USH2A: variants seen among roughly 807,000 people sequenced by gnomAD.
USH2A encodes Usher syndrome 2A (autosomal recessive, mild).
Under a neutral mutation model 538.9 loss-of-function variants are expected in USH2A, and 443 were observed. That is an observed-to-expected ratio of 0.82 (90% confidence interval 0.76 to 0.89). The LOEUF (loss-of-function observed/expected upper bound fraction) is 0.89, where lower values mean the gene tolerates loss of function less well. Ranked by LOEUF, USH2A falls within the 40% of genes least tolerant of loss-of-function variation. The pLI, the probability that USH2A is intolerant of heterozygous loss-of-function variation, is 0.00. For synonymous variants in USH2A, 2,413 were observed against 2,273.5 expected (o/e 1.06, Z -1.75); for missense variants, 6,633 against 6,324.8 (o/e 1.05, Z -1.65).
intron 64 of USH2A, among the ~76,000 whole-genome samples, chr1:215,668,580 G>A (rs1657704267): frequency 6.6e-6 from 1 of 152,180 alleles, no homozygotes; most frequent in Non-Finnish European, 1.5e-5. Flanking sequence ...GTAACACAGA[G>A]CCGATAGTAA....
At chr1:215,669,820 C>A (rs1657755684) in intron 64 of USH2A, among the ~76,000 whole-genome samples, 4 of 152,268 alleles carry the variant, frequency 2.6e-5, no homozygotes, top group South Asian at 4.1e-4. Context: ...CTAAAATATT[C>A]TTTTCATGCT....
intron 58 of USH2A, among the ~76,000 whole-genome samples, chr1:215,754,259 C>T (rs547148966): frequency 3.3e-5 from 5 of 152,090 alleles, no homozygotes; most frequent in Admixed American, 6.6e-5. Context: ...CGTATGTACA[C>T]GACATTTGTT....
At position 215,655,725 on chromosome 1, in the gene USH2A, CTTTTTTTT is replaced by C. The variant is rs766225635; in HGVS notation, c.14134-4932_14134-4925del. 6.1e-3 allele frequency among the ~76,000 whole-genome samples: 590 copies of C among 96,190 alleles called. 4 individuals carry two copies. Among genetic ancestry groups the C allele is most frequent in the African/African-American group, 0.022 (559 of 25,936 alleles). 63.1% of individuals were successfully genotyped at this position (96,190 alleles called of 152,430 possible). ...TGCTTCTGTTACTGTGCTAGTTATT[CTTTTTTTT>C]TTTTTTTTTTTTTTTTCTTTGAGAC... On this transcript the variant is annotated intron_variant, in intron 64 of 71. Coordinates refer to ENST00000307340, the MANE Select transcript of USH2A (RefSeq NM_206933.4).
intron 32 of USH2A, among the ~76,000 whole-genome samples, chr1:216,023,686 C>T (rs1668898418): frequency 6.6e-6 from 1 of 151,658 alleles, no homozygotes; most frequent in Non-Finnish European, 1.5e-5. Context: ...TTATGCACAT[C>T]GAAAGTATGC....
At chr1:216,073,491 T>C (rs147900780) in intron 27 of USH2A, among the ~76,000 whole-genome samples, 191 bp from the exon 28 acceptor site, 104 of 152,338 alleles carry the variant, frequency 6.8e-4, no homozygotes, top group African/African-American at 2.5e-3. Flanking sequence ...CAAAGAAATA[T>C]AGTTCTGTTA....
intron 38 of USH2A, among the ~76,000 whole-genome samples, chr1:215,902,131 G>A (rs776703461): frequency 6.6e-6 from 1 of 152,086 alleles, no homozygotes; most frequent in African/African-American, 2.4e-5. Flanking sequence ...TGTAATATAG[G>A]TTCCTAATGA....
intron 30 of USH2A, among the ~76,000 whole-genome samples, chr1:216,057,506 A>G (rs2031017658): frequency 6.6e-6 from 1 of 150,602 alleles, no homozygotes; most frequent in African/African-American, 2.5e-5. Flanking sequence ...AAATACCAAC[A>G]ACAAAAACAA....
intron 21 of USH2A, among the ~76,000 whole-genome samples, chr1:216,113,137 T>TAAAAAAAA (rs71159901): frequency 1.6e-5 from 2 of 127,576 alleles, no homozygotes; most frequent in Non-Finnish European, 3.3e-5. Context: ...CTCCAAATGA[T>TAAAAAAAA]AAAAAAAAAA....
At chr1:215,953,318 C>G (rs1571842375) in intron 37 of USH2A, among the ~76,000 whole-genome samples, 1 of 152,176 alleles carries the variant, frequency 6.6e-6, no homozygotes, top group Admixed American at 6.5e-5. Flanking sequence ...TCAAACTAGA[C>G]TACAAGGCTA....
At chr1:215,670,240 A>C (rs924756745) in intron 64 of USH2A, among the ~76,000 whole-genome samples, 1 of 152,188 alleles carries the variant, frequency 6.6e-6, no homozygotes, top group Non-Finnish European at 1.5e-5. Flanking sequence ...TGAGCGGCTC[A>C]TGTGCCCACC....
intron 32 of USH2A, among the ~76,000 whole-genome samples, chr1:216,007,601 CTT>C (rs1250413630): frequency 5.9e-5 from 9 of 152,212 alleles, no homozygotes; most frequent in Non-Finnish European, 1.3e-4. Context: ...AAAAGAAAGA[CTT>C]TGGTGTCTGT....
chr1:216,165,435 C>T (rs1223412975), intron 21 of USH2A, among the ~76,000 whole-genome samples: 2 of 152,136 alleles, frequency 1.3e-5, no homozygotes, highest in Non-Finnish European at 2.9e-5. Flanking sequence ...ACTTTGCCAG[C>T]AACTGAGGAC....
intron 4 of USH2A, among the ~76,000 whole-genome samples, chr1:216,358,971 G>A (rs951099215): frequency 1.3e-5 from 2 of 152,108 alleles, no homozygotes; most frequent in African/African-American, 2.4e-5. Flanking sequence ...AATACTTTGA[G>A]CAACATTTGG....
chr1:216,012,255 A>G (rs915662443), intron 32 of USH2A, among the ~76,000 whole-genome samples: 3 of 151,886 alleles, frequency 2.0e-5, no homozygotes, highest in African/African-American at 7.3e-5. Context: ...TCTTTACATC[A>G]TGGAAATCTA....
chr1:216,120,176 T>C (rs1285202048), intron 21 of USH2A, among the ~76,000 whole-genome samples: 1 of 143,566 alleles, frequency 7.0e-6, no homozygotes, highest in East Asian at 2.2e-4. Flanking sequence ...AAATAAGTCA[T>C]TTAAAGTTTA....
rs1453649976 is a variant in USH2A, at chr1:216,073,278, A to G, written c.5595T>C (p.Asp1865=). 6.2e-7 allele frequency: 1 copy of G among 1,613,702 alleles called. No individual in the cohort carries two copies. The highest frequency in any genetic ancestry group is 8.5e-7 in the Non-Finnish European group (1 of 1,179,926). The change falls in exon 28 of 72, where the codon GAT becomes GAC. Residue 1865 remains aspartate (D), a synonymous_variant. Coordinates refer to ENST00000307340, the MANE Select transcript of USH2A (RefSeq NM_206933.4). ...CGACAGCACCCCGTGTAAATTTAAC[A>G]TCCTTCATGCAACCACCGAAACCTA... ...LEQGFGGCMK[D]VKFTRGAVVN...
intron 11 of USH2A, among the ~76,000 whole-genome samples, chr1:216,266,899 T>C (rs1164096256): frequency 2.6e-5 from 4 of 151,868 alleles, no homozygotes; most frequent in Admixed American, 1.3e-4. Flanking sequence ...TTATTATGTA[T>C]TGATGTGAAG....
chr1:215,992,026 A>T (rs768880066), intron 35 of USH2A, among the ~76,000 whole-genome samples: 22 of 152,200 alleles, frequency 1.4e-4, no homozygotes, highest in Non-Finnish European at 2.8e-4. Context: ...TGATTATTAG[A>T]ATTCTCTCCA....
intron 37 of USH2A, among the ~76,000 whole-genome samples, chr1:215,945,193 T>A (rs1340502936): frequency 6.6e-6 from 1 of 152,172 alleles, no homozygotes; most frequent in Non-Finnish European, 1.5e-5. Context: ...GAGTTTGATA[T>A]ATAAATGTTG....
Sources: gnomAD v4.1 joint callset for allele counts (sites outside exome capture counted in the v4.1 genomes callset) on GRCh38, gnomAD v4.1.1 for gene constraint, MANE v1.5 for transcripts, NCBI Gene and HGNC (gene_info 2026-07-23, HGNC 2026-07-21) for gene names.